Variants in SAMTOR observed in about 807,000 individuals in gnomAD.
SAMTOR encodes the protein UPF0532 protein C7orf60.
the SAMTOR span, among the ~76,000 whole-genome samples, chr7:112,878,156 G>A: frequency 2.0e-5 from 3 of 152,184 alleles, no homozygotes; most frequent in South Asian, 6.2e-4. Context: ...TTACTCAAGA[G>A]TTTAGTTTAA....
the SAMTOR span, chr7:112,821,593 T>C: frequency 3.0e-6 from 2 of 671,882 alleles, no homozygotes; most frequent in Non-Finnish European, 4.7e-6. Context: ...AATTTTAAAA[T>C]TGAGAAGTAG....
At chr7:112,848,232 G>A in the SAMTOR span, among the ~76,000 whole-genome samples, 1,624 of 152,198 alleles carry the variant, frequency 0.011, 31 homozygotes, top group African/African-American at 0.037. Flanking sequence ...TATAGCTATT[G>A]AAACTTTCTC....
the SAMTOR span, among the ~76,000 whole-genome samples, chr7:112,869,178 C>T: frequency 6.6e-6 from 1 of 152,160 alleles, no homozygotes; most frequent in South Asian, 2.1e-4. Flanking sequence ...TCTCTCGCCC[C>T]CAGCCCCGCT....
chr7:112,854,799 AG>A, the SAMTOR span, among the ~76,000 whole-genome samples: 1 of 152,220 alleles, frequency 6.6e-6, no homozygotes, highest in African/African-American at 2.4e-5. Flanking sequence ...TTCTTAACAA[AG>A]GCAAGTATAT....
At chr7:112,894,831 T>C in the SAMTOR span, among the ~76,000 whole-genome samples, 1 of 152,196 alleles carries the variant, frequency 6.6e-6, no homozygotes, top group Non-Finnish European at 1.5e-5. Flanking sequence ...GAGTACATGC[T>C]ATTGGGAAAA....
the SAMTOR span, among the ~76,000 whole-genome samples, chr7:112,879,169 AAAAC>A: frequency 5.3e-5 from 8 of 150,580 alleles, no homozygotes; most frequent in Admixed American, 2.0e-4. Flanking sequence ...CACTGGCACA[AAAAC>A]AAACAGAGAG....
the SAMTOR span, among the ~76,000 whole-genome samples, chr7:112,918,754 T>C: frequency 3.9e-5 from 6 of 152,052 alleles, no homozygotes; most frequent in Admixed American, 3.9e-4. Flanking sequence ...TGGAGGAAGA[T>C]CTACCAAGCA....
At chr7:112,834,873 G>A in the SAMTOR span, among the ~76,000 whole-genome samples, 1 of 152,082 alleles carries the variant, frequency 6.6e-6, no homozygotes, top group South Asian at 2.1e-4. Context: ...AAGGGTAAGT[G>A]AAGTACCATA....
chr7:112,865,702 T>TATAC, the SAMTOR span, among the ~76,000 whole-genome samples: 2 of 129,764 alleles, frequency 1.5e-5, no homozygotes, highest in African/African-American at 7.7e-5. Context: ...TATATACATA[T>TATAC]ATTCATATAT....
At chr7:112,870,769 AC>A in the SAMTOR span, among the ~76,000 whole-genome samples, 1 of 150,828 alleles carries the variant, frequency 6.6e-6, no homozygotes, top group Admixed American at 6.6e-5. Context: ...AAAAAAACCC[AC>A]CCATCTTCTG....
At chr7:112,889,713 A>T in the SAMTOR span, among the ~76,000 whole-genome samples, 1 of 152,210 alleles carries the variant, frequency 6.6e-6, no homozygotes, top group African/African-American at 2.4e-5. Flanking sequence ...AAACAAAGGC[A>T]AATAAGATGA....
chr7:112,906,571 A>C, the SAMTOR span, among the ~76,000 whole-genome samples: 1 of 71,422 alleles, frequency 1.4e-5, no homozygotes, highest in African/African-American at 3.8e-5. Context: ...GGAAAGACAT[A>C]TCTTTTTTTT....
chr7:112,863,407 T>C, the SAMTOR span, among the ~76,000 whole-genome samples: 2 of 152,126 alleles, frequency 1.3e-5, no homozygotes, highest in Non-Finnish European at 2.9e-5. Context: ...CTAAAAGCAG[T>C]TGCACAAAAG....
At chr7:112,863,631 C>A in the SAMTOR span, among the ~76,000 whole-genome samples, 1 of 152,106 alleles carries the variant, frequency 6.6e-6, no homozygotes. Flanking sequence ...GACATGAACA[C>A]TTTTCTAAAG....
At chr7:112,889,117 C>A in the SAMTOR span, among the ~76,000 whole-genome samples, 1 of 152,126 alleles carries the variant, frequency 6.6e-6, no homozygotes, top group African/African-American at 2.4e-5. Flanking sequence ...CTAAATGTAA[C>A]CAGGATTGAG....
At chr7:112,897,134 CAGAG>C in the SAMTOR span, among the ~76,000 whole-genome samples, 2 of 152,118 alleles carry the variant, frequency 1.3e-5, no homozygotes, top group South Asian at 2.1e-4. Context: ...AATCTAATGA[CAGAG>C]AGCAGTTTAG....
the SAMTOR span, among the ~76,000 whole-genome samples, chr7:112,937,103 A>G: frequency 1.3e-5 from 2 of 152,180 alleles, no homozygotes; most frequent in African/African-American, 2.4e-5. Context: ...TCTGGCTGAC[A>G]ATTTCCAGTT....
chr7:112,894,696 A>T, the SAMTOR span, among the ~76,000 whole-genome samples: 1 of 152,182 alleles, frequency 6.6e-6, no homozygotes, highest in Non-Finnish European at 1.5e-5. Flanking sequence ...GTATGGGGGA[A>T]ACCGCCCCCA....
At chr7:112,833,680 A>G in the SAMTOR span, among the ~76,000 whole-genome samples, 3 of 152,184 alleles carry the variant, frequency 2.0e-5, no homozygotes, top group African/African-American at 4.8e-5. Flanking sequence ...TTCTTTCTCA[A>G]TGAAGTATCC....
Sources: gnomAD v4.1 joint callset for allele counts (sites outside exome capture counted in the v4.1 genomes callset) on GRCh38, gnomAD v4.1.1 for gene constraint, MANE v1.5 for transcripts, NCBI Gene and HGNC (gene_info 2026-07-23, HGNC 2026-07-21) for gene names.